The following GPR158 variants were observed in gnomAD, a reference collection of about 807,000 sequenced individuals.
GPR158 encodes the protein G protein-coupled receptor 158, also known as metabotropic glycine receptor.
Under a neutral mutation model 78.2 loss-of-function variants are expected in GPR158, and 30 were observed. That is an observed-to-expected ratio of 0.38 (90% CI 0.29 to 0.52). The LOEUF (loss-of-function observed/expected upper bound fraction) is 0.52, where lower values mean the gene tolerates loss of function less well. Among genes scored for constraint, GPR158 ranks in the 20% least tolerant of loss-of-function variants. GPR158 has a pLI of 0.83. For missense variants in GPR158, 1,463 were observed against 1,523.5 expected (o/e 0.96, Z 0.66); for synonymous variants, 581 against 591.1 (o/e 0.98, Z 0.25).
At chr10:25,314,844 T>C (rs1588793804) in intron 2 of GPR158, among the ~76,000 whole-genome samples, 3 of 120,792 alleles carry the variant, frequency 2.5e-5, no homozygotes, top group African/African-American at 1.1e-4. Context: ...TATACACGTA[T>C]ATACATACAC....
At chr10:25,517,332 C>T (rs1258660403) in intron 5 of GPR158, among the ~76,000 whole-genome samples, 2 of 152,004 alleles carry the variant, frequency 1.3e-5, no homozygotes, top group East Asian at 1.9e-4. Context: ...GACAATTTGA[C>T]TTCCTCTTTT....
chr10:25,520,749 G>A (rs528649605), intron 5 of GPR158, among the ~76,000 whole-genome samples: 12 of 152,168 alleles, frequency 7.9e-5, no homozygotes, highest in Admixed American at 2.6e-4. Flanking sequence ...CTGCAGCTGC[G>A]TGCTGGGAGA....
intron 1 of GPR158, among the ~76,000 whole-genome samples, chr10:25,177,482 T>G (rs756451063): frequency 1.3e-5 from 2 of 152,166 alleles, no homozygotes; most frequent in Non-Finnish European, 2.9e-5. Flanking sequence ...TTATTTATTA[T>G]TTTTTAAATA....
At chr10:25,257,962 G>C (rs1047453189) in intron 2 of GPR158, among the ~76,000 whole-genome samples, 5 of 152,210 alleles carry the variant, frequency 3.3e-5, no homozygotes, top group African/African-American at 9.6e-5. Context: ...CTGACTCTTC[G>C]AGATGGGAAT....
intron 2 of GPR158, among the ~76,000 whole-genome samples, chr10:25,252,903 C>CT (rs1386078172): frequency 6.6e-6 from 1 of 152,236 alleles, no homozygotes; most frequent in Non-Finnish European, 1.5e-5. Context: ...GCGGGCGCCC[C>CT]TCCCCCAGCC....
chr10:25,454,067 G>GA, intron 4 of GPR158, among the ~76,000 whole-genome samples: 1 of 152,060 alleles, frequency 6.6e-6, no homozygotes, highest in Non-Finnish European at 1.5e-5. Context: ...ATTAACATGG[G>GA]ATATCACATT....
At chr10:25,249,329 C>A (rs1454667862) in intron 2 of GPR158, among the ~76,000 whole-genome samples, 1 of 152,164 alleles carries the variant, frequency 6.6e-6, no homozygotes, top group Admixed American at 6.5e-5. Context: ...ATCGCCCTGG[C>A]CAGAACTTCC....
chr10:25,591,936 A>G (rs1000933617), intron 8 of GPR158, among the ~76,000 whole-genome samples: 4 of 152,060 alleles, frequency 2.6e-5, no homozygotes, highest in African/African-American at 7.2e-5. Flanking sequence ...ATAGGCAATA[A>G]TAAACCAATC....
rs1001894025 is a variant in GPR158 at position 25,175,130 on chromosome 10, C to G, written c.-291C>G. On this transcript the variant is annotated 5_prime_UTR_variant, in exon 1 of 11. Transcript: ENST00000376351. This position sits in a 1 kb window ranked among gnomAD's most constrained non-coding sequence, Gnocchi z 6.4. ...GGGCTGACTCCAGCCGCTGGGAGCG[C>G]GAGGCCATGTAACCCGCTCGGCTCC... 7 of 299,198 alleles carry G rather than the reference C, an allele frequency of 2.3e-5. No individual in the cohort carries two copies. Among genetic ancestry groups the G allele is most frequent in the Non-Finnish European group, 4.3e-5 (7 of 161,162 alleles). 18.5% of individuals were successfully genotyped at this position (299,198 alleles called of 1,614,324 possible).
rs1230590152 is a variant in GPR158 at position 25,601,143 on chromosome 10, G to T, written c.*1869G>T. 1 of 152,554 alleles carries T rather than the reference G, an allele frequency of 6.6e-6. No homozygotes were observed. Among genetic ancestry groups the T allele is most frequent in the Non-Finnish European group, 1.5e-5 (1 of 68,036 alleles). 9.5% of individuals were successfully genotyped at this position (152,554 alleles called of 1,614,324 possible). A position where few individuals can be genotyped will look rare whatever the true frequency, so the allele number is the denominator to read the frequency against. ...TCTTAGAGAGTATTTTCAGTGGAAG[G>T]TAAAAACAGAATTCTCCATATTCAT... On this transcript the variant is annotated 3_prime_UTR_variant, in exon 11 of 11. Transcript: ENST00000376351.
intron 1 of GPR158, among the ~76,000 whole-genome samples, chr10:25,200,705 ATCT>A (rs1415135431): frequency 1.3e-5 from 2 of 152,026 alleles, no homozygotes; most frequent in African/African-American, 2.4e-5. Context: ...AGTGTTAAAA[ATCT>A]TCTGCATATT....
intron 2 of GPR158, among the ~76,000 whole-genome samples, chr10:25,305,478 T>C (rs1854660259): frequency 6.6e-6 from 1 of 152,038 alleles, no homozygotes; most frequent in Admixed American, 6.6e-5. Context: ...GGTGCAATAA[T>C]TCTATATTAT....
At chr10:25,311,919 G>A (rs1478289077) in intron 2 of GPR158, among the ~76,000 whole-genome samples, 5 of 151,936 alleles carry the variant, frequency 3.3e-5, no homozygotes, top group South Asian at 4.1e-4. Context: ...GATTGATATG[G>A]TTGTACATTT....
intron 5 of GPR158, among the ~76,000 whole-genome samples, chr10:25,494,628 T>C (rs1835854637): frequency 6.6e-6 from 1 of 152,166 alleles, no homozygotes; most frequent in African/African-American, 2.4e-5. Context: ...TACCAAAATT[T>C]ATTTAAGTGT....
chr10:25,353,427 GTAAC>G (rs769508336), intron 2 of GPR158, among the ~76,000 whole-genome samples: 42 of 151,836 alleles, frequency 2.8e-4, no homozygotes, highest in Middle Eastern at 3.4e-3. Context: ...TAAAAATAAT[GTAAC>G]TAACCTGCAC....
chr10:25,556,724 C>G (rs912141823), intron 6 of GPR158, among the ~76,000 whole-genome samples: 2 of 152,140 alleles, frequency 1.3e-5, no homozygotes, highest in Non-Finnish European at 2.9e-5. Context: ...GTCTGCTAGC[C>G]GCAGAGGTGA....
intron 2 of GPR158, among the ~76,000 whole-genome samples, chr10:25,320,097 A>G (rs116735036): frequency 0.017 from 2,564 of 152,220 alleles, 55 homozygotes; most frequent in African/African-American, 0.049. Flanking sequence ...ATATTTCTTC[A>G]TTACAGTTAA....
intron 3 of GPR158, among the ~76,000 whole-genome samples, chr10:25,405,550 T>G (rs35973294): frequency 0.073 from 10,454 of 143,624 alleles, 441 homozygotes; most frequent in East Asian, 0.14. Flanking sequence ...ATTAAGGTTG[T>G]TCTTTTGGTG....
chr10:25,340,225 CTTTG>C (rs1481372314), intron 2 of GPR158, among the ~76,000 whole-genome samples: 1 of 152,002 alleles, frequency 6.6e-6, no homozygotes, highest in African/African-American at 2.4e-5. Flanking sequence ...CAATTAGAGG[CTTTG>C]TTTGTTTGTT....
Sources: allele counts gnomAD v4.1 joint callset (sites outside exome capture counted in the v4.1 genomes callset), GRCh38; gene constraint gnomAD v4.1.1; non-coding constraint Gnocchi (gnomAD v3.1); transcripts MANE v1.5; gene names NCBI Gene and HGNC (gene_info 2026-07-23, HGNC 2026-07-21).